The following PYHIN1 variants were observed in gnomAD, a reference collection of about 807,000 sequenced individuals.
PYHIN1 encodes the protein pyrin and HIN domain family member 1, also known as pyrin and HIN domain-containing protein 1.
A neutral mutation model predicts 43.7 loss-of-function variants in PYHIN1; 32 were observed. That is an observed-to-expected ratio of 0.73 (90% confidence interval 0.55 to 0.98). PYHIN1 has a LOEUF of 0.98. PYHIN1 is among the 50% of genes least tolerant of loss of function. The probability of loss-of-function intolerance (pLI) is 0.00; values close to 1 mark genes in which losing one functional copy is unlikely to be tolerated. For missense variants in PYHIN1, 588 were observed against 589.5 expected (o/e 1.00, Z 0.03); for synonymous variants, 205 against 203.1 (o/e 1.01, Z -0.08).
chr1:158,965,532 C>G (rs1650582660), intron 7 of PYHIN1, among the ~76,000 whole-genome samples: 1 of 152,120 alleles, frequency 6.6e-6, no homozygotes, highest in African/African-American at 2.4e-5. Flanking sequence ...AAAACAGAAT[C>G]ATACCAACCA....
At chr1:158,989,449 C>G in the PYHIN1 span, among the ~76,000 whole-genome samples, 7 of 152,158 alleles carry the variant, frequency 4.6e-5, no homozygotes, top group African/African-American at 1.4e-4. Context: ...GAAATAGGTT[C>G]ATTACTGATG....
In PYHIN1 at chr1:158,942,148, C is replaced by G; in HGVS notation, c.751C>G (p.His251Asp). 6.2e-7 allele frequency: 1 copy of G among 1,614,062 alleles called. No homozygotes were observed. Among genetic ancestry groups the G allele is most frequent in the Admixed American group, 1.7e-5 (1 of 60,016 alleles). ...AGTGGCTACGCAGACACAGTTCTTT[C>G]ATGTGAAGGTTTTAAACATCAACTT... ...ATVATQTQFF[H>D]VKVLNINLKR... Residue 251 changes from histidine (H) to aspartate (D), a missense_variant, in exon 5 of 9, where the codon CAT (histidine) becomes GAT (aspartate). Physicochemically the swap from His to Asp is moderately conservative, Grantham distance 81 (BLOSUM62 -1). Coordinates refer to ENST00000368140, the MANE Select transcript of PYHIN1 (RefSeq NM_152501.5).
the PYHIN1 span, among the ~76,000 whole-genome samples, chr1:158,988,471 A>G: frequency 1.3e-5 from 2 of 152,202 alleles, no homozygotes; most frequent in African/African-American, 2.4e-5. Flanking sequence ...ATCTTTTAGA[A>G]TAAACATGTC....
intron 7 of PYHIN1, among the ~76,000 whole-genome samples, chr1:158,970,111 C>T (rs1250576731): frequency 6.6e-6 from 1 of 151,904 alleles, no homozygotes; most frequent in Non-Finnish European, 1.5e-5. Context: ...TCTGTCATGA[C>T]TCATCTAAAG....
chr1:158,939,070 C>T lies in PYHIN1; in HGVS notation c.412-10C>T. On this transcript the variant is annotated splice_polypyrimidine_tract_variant and intron_variant, in intron 3 of 8. Transcript: ENST00000368140. ...GAAAGTAATTAACAAGAAAAATAAA[C>T]TACTTGTAGAAAAGAAAAAAACCAT... The T allele has an allele frequency of 1.3e-6, 2 of 1,564,786 alleles. No homozygotes were observed. Among genetic ancestry groups the T allele is most frequent in the Middle Eastern group, 1.7e-4 (1 of 5,816 alleles).
intron 7 of PYHIN1, among the ~76,000 whole-genome samples, chr1:158,958,810 T>A (rs553235286): frequency 1.3e-5 from 2 of 149,198 alleles, no homozygotes; most frequent in Non-Finnish European, 3.0e-5. Flanking sequence ...GATTTCTCCC[T>A]ACTTGCTCCC....
chr1:158,939,843 AG>A (rs759184780), intron 4 of PYHIN1: 1 of 310,658 alleles, frequency 3.2e-6, no homozygotes, highest in Non-Finnish European at 5.9e-6. Context: ...TTCCAAGATT[AG>A]GGCTAGTTTG....
chr1:158,976,514 A>AG (rs1651266657), intron 8 of PYHIN1, among the ~76,000 whole-genome samples, 187 bp from the exon 9 acceptor site: 1 of 151,924 alleles, frequency 6.6e-6, no homozygotes, highest in Non-Finnish European at 1.5e-5. Context: ...GTCCCAACAG[A>AG]GGGGGAAGAT....
At chr1:158,965,518 CAAG>C in intron 7 of PYHIN1, among the ~76,000 whole-genome samples, 1 of 152,212 alleles carries the variant, frequency 6.6e-6, no homozygotes, top group Middle Eastern at 3.4e-3. Flanking sequence ...TCAGCAAATT[CAAG>C]AAAACAGAAT....
At chr1:158,960,653 T>C (rs942070066) in intron 7 of PYHIN1, among the ~76,000 whole-genome samples, 2 of 152,218 alleles carry the variant, frequency 1.3e-5, no homozygotes, top group African/African-American at 4.8e-5. Context: ...ATAGGTTCTA[T>C]ATGGATTGGG....
At chr1:158,978,255 ATG>A (rs879572001), downstream of PYHIN1, among the ~76,000 whole-genome samples, 48 of 151,106 alleles carry the variant, frequency 3.2e-4, no homozygotes, top group Admixed American at 2.4e-3. Context: ...TAATATTCAT[ATG>A]TGTGTGTGTG....
intron 7 of PYHIN1, among the ~76,000 whole-genome samples, chr1:158,968,568 A>G (rs1650762339): frequency 6.6e-6 from 1 of 152,144 alleles, no homozygotes; most frequent in Admixed American, 6.6e-5. Context: ...CAGAACTCCC[A>G]TTTGACCCAG....
Position 158,939,582 on chromosome 1 carries a change from A to G in PYHIN1, c.579+335A>G, listed in dbSNP as rs1447834469. 4.2e-6 allele frequency: 6 copies of G among 1,431,626 alleles called. No homozygotes were observed. The East Asian group carries it at 1.5e-4, about 36-fold the overall frequency. 88.7% of individuals were successfully genotyped at this position (1,431,626 alleles called of 1,614,324 possible). On this transcript the variant is annotated intron_variant, in intron 4 of 8. Transcript: ENST00000368140. ...ACTAATTTGTTCAAGTTTCTCTGAC[A>G]TACACCATGCTCCTTTTTCCTTTAG... is the stretch of plus-strand genomic sequence containing the variant.
downstream of PYHIN1, among the ~76,000 whole-genome samples, chr1:158,977,685 A>C (rs1651342469): frequency 6.6e-6 from 1 of 152,168 alleles, no homozygotes; most frequent in South Asian, 2.1e-4. Flanking sequence ...ATTTTGTGTC[A>C]TTTAATCTTC....
At chr1:158,967,075 A>G (rs1650672920) in intron 7 of PYHIN1, among the ~76,000 whole-genome samples, 1 of 152,160 alleles carries the variant, frequency 6.6e-6, no homozygotes, top group South Asian at 2.1e-4. Context: ...AACAACATCC[A>G]AGCTGAGAGT....
At position 158,943,997 on chromosome 1, in the gene PYHIN1, A is replaced by G. The variant is rs375944065; in HGVS notation, c.1191+19A>G. On this transcript the variant is annotated intron_variant, in intron 6 of 8. Transcript: ENST00000368140. ...CATCCAGGTGAGAAATAAAGAAACAAATATTAGTTTTCCAAAGATGAAAAT... is the reference window on the plus strand; with the variant it reads ...CATCCAGGTGAGAAATAAAGAAACAGATATTAGTTTTCCAAAGATGAAAAT... 1.3e-6 allele frequency: 2 copies of G among 1,545,200 alleles called. No homozygotes were observed. Among genetic ancestry groups the G allele is most frequent in the African/African-American group, 2.7e-5 (2 of 72,854 alleles).
chr1:158,964,431 T>C (rs111302440), intron 7 of PYHIN1, among the ~76,000 whole-genome samples: 3,662 of 152,164 alleles, frequency 0.024, 63 homozygotes, highest in Non-Finnish European at 0.032. Flanking sequence ...ATCATAAGCT[T>C]TTCCAAGGTC....
Position 158,933,831 on chromosome 1 carries a change from A to C in PYHIN1, c.-21+2055A>C, listed in dbSNP as rs973052369. On this transcript the variant is annotated intron_variant, in intron 1 of 8. Transcript: ENST00000368140. This position sits in a 1 kb window ranked among gnomAD's most constrained non-coding sequence, Gnocchi z 6.3. Reference sequence around the variant, plus strand: ...TTCTTTGATCAGGGCTTTCTTTTTAAGTCATAGGCACACATAATCAAGTTC... The same window carrying C: ...TTCTTTGATCAGGGCTTTCTTTTTACGTCATAGGCACACATAATCAAGTTC... 3.3e-5 allele frequency among the ~76,000 whole-genome samples: 5 copies of C among 151,784 alleles called. No homozygotes were observed. Among genetic ancestry groups the C allele is most frequent in the Non-Finnish European group, 7.4e-5 (5 of 67,918 alleles).
At chr1:158,951,411 G>A (rs1467459931) in intron 7 of PYHIN1, among the ~76,000 whole-genome samples, 7 of 152,188 alleles carry the variant, frequency 4.6e-5, no homozygotes, top group Non-Finnish European at 1.0e-4. Context: ...CTTAATTAGA[G>A]CTGTCTCAAG....
Sources: allele counts gnomAD v4.1 joint callset (sites outside exome capture counted in the v4.1 genomes callset), GRCh38; gene constraint gnomAD v4.1.1; non-coding constraint Gnocchi (gnomAD v3.1); transcripts MANE v1.5; gene names NCBI Gene and HGNC (gene_info 2026-07-23, HGNC 2026-07-21).